CCDC138: variants seen among roughly 807,000 people sequenced by gnomAD.
CCDC138 encodes the protein coiled-coil domain containing 138.
In CCDC138, 66 loss-of-function variants were observed where a neutral mutation model predicts 82.3. That is an observed-to-expected ratio of 0.80 (90% CI 0.66 to 0.98). The LOEUF is 0.98. Among genes scored for constraint, CCDC138 ranks in the 50% least tolerant of loss-of-function variants. The pLI, the probability that CCDC138 is intolerant of heterozygous loss-of-function variation, is 0.00. For synonymous variants in CCDC138, 297 were observed against 265.4 expected, an observed-to-expected ratio of 1.12 and a Z score of -1.16; for missense variants, 816 against 758.9, an observed-to-expected ratio of 1.08 and a Z score of -0.88.
At chr2:108,868,526 T>G (rs1694762306) in intron 13 of CCDC138, among the ~76,000 whole-genome samples, 1 of 152,204 alleles carries the variant, frequency 6.6e-6, no homozygotes, top group African/African-American at 2.4e-5. Flanking sequence ...ACCTCACCTG[T>G]CTCTCTTCTG....
chr2:108,870,636 C>T (rs1695087196), intron 13 of CCDC138, among the ~76,000 whole-genome samples: 1 of 152,140 alleles, frequency 6.6e-6, no homozygotes, highest in African/African-American at 2.4e-5. Context: ...ATACGGTAGA[C>T]TATTATTCAG....
chr2:108,869,075 T>C (rs937339324), intron 13 of CCDC138, among the ~76,000 whole-genome samples: 3 of 152,098 alleles, frequency 2.0e-5, no homozygotes, highest in Non-Finnish European at 4.4e-5. Context: ...ATATTGTACA[T>C]GCTCAAGCAG....
chr2:108,865,822 C>T (rs1031220395), intron 13 of CCDC138, among the ~76,000 whole-genome samples: 18 of 152,046 alleles, frequency 1.2e-4, no homozygotes, highest in African/African-American at 4.1e-4. Context: ...AGGTAGAGGG[C>T]GGGGTGGCTA....
chr2:108,850,881 C>T (rs1194256261), intron 12 of CCDC138, among the ~76,000 whole-genome samples: 11 of 152,006 alleles, frequency 7.2e-5, no homozygotes, highest in Non-Finnish European at 1.5e-4. Flanking sequence ...GAGGTTTTTC[C>T]CCACATACCA....
chr2:108,877,688 A>G (rs1696121527), downstream of CCDC138, among the ~76,000 whole-genome samples: 2 of 152,200 alleles, frequency 1.3e-5, no homozygotes, highest in Admixed American at 1.3e-4. Flanking sequence ...GAAGAAAAGA[A>G]CAGAACAAGT....
intron 13 of CCDC138, among the ~76,000 whole-genome samples, 182 bp downstream of exon 13, chr2:108,857,152 C>G (rs973233855): frequency 9.5e-5 from 13 of 137,310 alleles, no homozygotes; most frequent in African/African-American, 3.0e-4. Flanking sequence ...GATCTCAGCT[C>G]ACTGCAACCT....
chr2:108,820,050 T>A (rs1413370384), intron 10 of CCDC138, among the ~76,000 whole-genome samples: 1 of 152,114 alleles, frequency 6.6e-6, no homozygotes, highest in African/African-American at 2.4e-5. Context: ...ATCTGAACTA[T>A]AAAAGTCAAC....
chr2:108,867,678 A>G (rs1173832483), intron 13 of CCDC138, among the ~76,000 whole-genome samples: 1 of 152,206 alleles, frequency 6.6e-6, no homozygotes, highest in Non-Finnish European at 1.5e-5. Context: ...GTGTTTTTCA[A>G]AGACTACCTA....
intron 13 of CCDC138, among the ~76,000 whole-genome samples, chr2:108,860,843 C>T (rs1693445988): frequency 1.4e-5 from 2 of 146,978 alleles, no homozygotes; most frequent in African/African-American, 2.5e-5. Context: ...AGTCCCTCCT[C>T]CTCGATATTT....
chr2:108,847,854 C>T (rs1227285403), intron 12 of CCDC138, among the ~76,000 whole-genome samples: 8 of 152,146 alleles, frequency 5.3e-5, no homozygotes, highest in African/African-American at 1.9e-4. Flanking sequence ...TAACTGCCTT[C>T]TTAATTATTT....
chr2:108,861,631 C>G (rs957398179), intron 13 of CCDC138, among the ~76,000 whole-genome samples: 2 of 152,074 alleles, frequency 1.3e-5, no homozygotes, highest in Admixed American at 1.3e-4. Context: ...CAGGTGCACA[C>G]CGCCACACCT....
intron 13 of CCDC138, among the ~76,000 whole-genome samples, chr2:108,859,566 A>C (rs912506553): frequency 6.6e-6 from 1 of 151,878 alleles, no homozygotes; most frequent in African/African-American, 2.4e-5. Flanking sequence ...ATCTTGAGTT[A>C]ATTTTTGTAT....
At chr2:108,827,028 T>A (rs1686730373) in intron 10 of CCDC138, among the ~76,000 whole-genome samples, 1 of 152,208 alleles carries the variant, frequency 6.6e-6, no homozygotes, top group Non-Finnish European at 1.5e-5. Context: ...TGTTCTTAAA[T>A]TCATTTTTGG....
intron 11 of CCDC138, among the ~76,000 whole-genome samples, chr2:108,840,483 A>G (rs1255460659): frequency 1.8e-4 from 27 of 152,168 alleles, no homozygotes; most frequent in South Asian, 4.1e-4. Context: ...GAGGTTTTAA[A>G]TTATGAATTT....
chr2:108,793,964 A>G (rs1573923425), intron 4 of CCDC138, among the ~76,000 whole-genome samples: 1 of 152,164 alleles, frequency 6.6e-6, no homozygotes, highest in Non-Finnish European at 1.5e-5. Context: ...GCATCTGTAT[A>G]GCCAAATCAG....
At chr2:108,853,877 TA>T (rs1691983833) in intron 12 of CCDC138, among the ~76,000 whole-genome samples, 1 of 125,038 alleles carries the variant, frequency 8.0e-6, no homozygotes, top group South Asian at 2.2e-4. Flanking sequence ...ATATACTATA[TA>T]ATATATTATA....
downstream of CCDC138, chr2:108,878,260 T>C (rs1178662839): frequency 6.4e-6 from 1 of 157,366 alleles, no homozygotes; most frequent in African/African-American, 2.4e-5. Flanking sequence ...CCCCTCGCTC[T>C]TCCTTCCTCC....
chr2:108,811,245 C>CTTTTTTTTTTTTTTTTTTTTTTTT lies in CCDC138; in HGVS notation c.856-1385_856-1384insTTTTTTTTTTTTTTTTTTTTTTTT, dbSNP rs144518921. The stretch of plus-strand genomic sequence containing the variant: ...CTCTCCCTTTTCTTTCTTTCTCTCT[C>CTTTTTTTTTTTTTTTTTTTTTTTT]TCTTTTTTTTTTTTTTTGACTGTCT... On this transcript the variant is annotated intron_variant, in intron 7 of 14. Coordinates refer to ENST00000295124, the MANE Select transcript of CCDC138 (RefSeq NM_144978.3). 5.1e-4 allele frequency among the ~76,000 whole-genome samples: 56 copies of CTTTTTTTTTTTTTTTTTTTTTTTT among 109,604 alleles called. 2 individuals carry two copies. The highest frequency in any genetic ancestry group is 9.1e-4 in the South Asian group (3 of 3,304). The allele number at this position is 109,604 out of a possible 152,430, so 71.9% of individuals were successfully genotyped here.
At chr2:108,862,899 C>T (rs984984800) in intron 13 of CCDC138, among the ~76,000 whole-genome samples, 1 of 151,834 alleles carries the variant, frequency 6.6e-6, no homozygotes, top group African/African-American at 2.4e-5. Flanking sequence ...GGAAATATTA[C>T]AAGGACATAC....
Sources: gnomAD v4.1 joint callset for allele counts (sites outside exome capture counted in the v4.1 genomes callset) on GRCh38, gnomAD v4.1.1 for gene constraint, MANE v1.5 for transcripts, NCBI Gene and HGNC (gene_info 2026-07-23, HGNC 2026-07-21) for gene names.